The following MRAS variants were observed in gnomAD, a reference collection of about 807,000 sequenced individuals.
MRAS encodes ras-related protein M-Ras.
In MRAS, 4 loss-of-function variants were observed where a neutral mutation model predicts 20.9. The ratio of observed to expected loss-of-function variants is 0.19; its 90% confidence interval spans 0.09 to 0.44. The LOEUF (loss-of-function observed/expected upper bound fraction) is 0.44, where lower values mean the gene tolerates loss of function less well. MRAS is among the 20% of genes least tolerant of loss of function. The probability of loss-of-function intolerance (pLI) is 0.99; values close to 1 mark genes in which losing one functional copy is unlikely to be tolerated. For synonymous variants in MRAS, 98 were observed against 102.9 expected (o/e 0.95, Z 0.29); for missense variants, 154 against 277.5 (o/e 0.56, Z 3.16).
chr3:138,383,152 G>C (rs2054939721), intron 2 of MRAS, among the ~76,000 whole-genome samples: 1 of 152,176 alleles, frequency 6.6e-6, no homozygotes. Flanking sequence ...TTGAGGAAAA[G>C]GACTGTGCCC....
intron 2 of MRAS, among the ~76,000 whole-genome samples, chr3:138,395,335 C>G (rs942787234): frequency 3.3e-5 from 5 of 152,160 alleles, no homozygotes; most frequent in Non-Finnish European, 5.9e-5. Flanking sequence ...CCGCGCCTGG[C>G]CAGACTATGC....
chr3:138,385,959 C>T (rs2055004006), intron 2 of MRAS, among the ~76,000 whole-genome samples: 1 of 152,172 alleles, frequency 6.6e-6, no homozygotes, highest in Admixed American at 6.5e-5. Context: ...CAGTGCTTAG[C>T]TGGAGAGGAT....
At position 138,397,355 on chromosome 3, in the gene MRAS, C is replaced by T. The variant is rs563066079; in HGVS notation, c.225C>T (p.Ser75=). ...ACACAGCTGGGCAGGAGGAATTCAG[C>T]GCCATGCGGGAGCAATACATGCGCA... ...VLDTAGQEEF[S]AMREQYMRTG... Residue 75 remains serine, a synonymous_variant, in exon 3 of 6, where the codon AGC becomes AGT. Transcript: ENST00000423968. 22 of 1,614,070 alleles carry T rather than the reference C, an allele frequency of 1.4e-5. No individual in the cohort carries two copies. The highest frequency in any genetic ancestry group is 1.2e-4 in the South Asian group (11 of 91,080).
At chr3:138,361,670 G>T (rs2054450620) in intron 1 of MRAS, among the ~76,000 whole-genome samples, 1 of 152,198 alleles carries the variant, frequency 6.6e-6, no homozygotes, top group South Asian at 2.1e-4. Context: ...GCAAAGCGGA[G>T]TCAGAGCAGG....
intron 2 of MRAS, 33 bp downstream of exon 2, chr3:138,373,109 G>A (rs1245313228): frequency 2.8e-6 from 4 of 1,405,120 alleles, no homozygotes; most frequent in Non-Finnish European, 3.7e-6. Context: ...GCATTGGGTG[G>A]GATAGTAGAT....
intron 1 of MRAS, among the ~76,000 whole-genome samples, chr3:138,363,516 G>T (rs1485928826): frequency 5.3e-5 from 8 of 152,078 alleles, no homozygotes; most frequent in Non-Finnish European, 7.4e-5. Context: ...ATAATCCTCT[G>T]CCTGCCTCCC....
intron 1 of MRAS, among the ~76,000 whole-genome samples, chr3:138,365,327 A>G (rs1253245692): frequency 2.0e-5 from 3 of 152,232 alleles, no homozygotes; most frequent in African/African-American, 4.8e-5. Flanking sequence ...TGGGTCGCAG[A>G]TGGCTCCGCC....
chr3:138,355,219 G>T (rs572163830), intron 1 of MRAS, among the ~76,000 whole-genome samples: 2 of 152,262 alleles, frequency 1.3e-5, no homozygotes, highest in African/African-American at 4.8e-5. Context: ...CCAGGTGCCT[G>T]GTACTGGGTC....
intron 2 of MRAS, among the ~76,000 whole-genome samples, chr3:138,384,868 C>G (rs781030553): frequency 6.6e-6 from 1 of 152,188 alleles, no homozygotes; most frequent in Admixed American, 6.5e-5. Context: ...TTCACAAAGG[C>G]AGGGACCATC....
At chr3:138,400,952 A>G (rs1038727725) in intron 5 of MRAS, among the ~76,000 whole-genome samples, 5 of 152,154 alleles carry the variant, frequency 3.3e-5, no homozygotes, top group Non-Finnish European at 4.4e-5. Flanking sequence ...TCCACACTGT[A>G]CAAACTAGGT....
intron 3 of MRAS, among the ~76,000 whole-genome samples, chr3:138,397,914 A>T (rs2055275966): frequency 1.3e-5 from 2 of 152,210 alleles, no homozygotes; most frequent in African/African-American, 2.4e-5. Context: ...GAAAATGTTC[A>T]ACTTTCTTGC....
At chr3:138,375,536 G>A (rs2054766277) in intron 2 of MRAS, among the ~76,000 whole-genome samples, 1 of 152,144 alleles carries the variant, frequency 6.6e-6, no homozygotes, top group Non-Finnish European at 1.5e-5. Flanking sequence ...TTGAGACAGG[G>A]TCTCGCTCTG....
chr3:138,365,881 C>G (rs1425730622), intron 1 of MRAS, among the ~76,000 whole-genome samples: 1 of 152,174 alleles, frequency 6.6e-6, no homozygotes, highest in Non-Finnish European at 1.5e-5. Flanking sequence ...CCTACTTGCC[C>G]TTGAGACTTG....
intron 1 of MRAS, among the ~76,000 whole-genome samples, chr3:138,355,966 T>C (rs1270047476): frequency 6.6e-6 from 1 of 152,146 alleles, no homozygotes; most frequent in South Asian, 2.1e-4. Flanking sequence ...CAGATCCTTT[T>C]CCCTCATTCT....
chr3:138,383,750 G>A (rs2054953014), intron 2 of MRAS, among the ~76,000 whole-genome samples: 1 of 152,202 alleles, frequency 6.6e-6, no homozygotes, highest in African/African-American at 2.4e-5. Flanking sequence ...TGAGGACATA[G>A]CAATTGGCAA....
chr3:138,397,801 A>G (rs2055272311), intron 3 of MRAS, among the ~76,000 whole-genome samples: 1 of 152,210 alleles, frequency 6.6e-6, no homozygotes, highest in African/African-American at 2.4e-5. Flanking sequence ...TTTACCAGGT[A>G]AAGGGACACA....
intron 2 of MRAS, among the ~76,000 whole-genome samples, chr3:138,386,354 A>G (rs530949629): frequency 6.6e-6 from 1 of 151,858 alleles, no homozygotes; most frequent in South Asian, 2.1e-4. Context: ...TGGAAGCAGA[A>G]TGGGACGGCA....
intron 2 of MRAS, 146 bp from the exon 3 acceptor site, chr3:138,397,178 A>G (rs2055254156): frequency 3.1e-6 from 3 of 957,574 alleles, no homozygotes; most frequent in Admixed American, 5.1e-5. Flanking sequence ...GAGCAGCCCT[A>G]GAGAGAGAGC....
In MRAS at chr3:138,397,308, C is replaced by T. The variant is rs1427542358; in HGVS notation, c.194-16C>T. 5 of 1,612,850 alleles carry T rather than the reference C, an allele frequency of 3.1e-6. No individual in the cohort carries two copies. The Admixed American group carries it at 5.0e-5, about 16-fold the overall frequency. ...GTAGGTGAGGACAGCCCCTGAGTGG[C>T]CTCATCCCACCCCAGTTCTGGACAC... On this transcript the variant is annotated splice_polypyrimidine_tract_variant and intron_variant, in intron 2 of 5. Coordinates refer to ENST00000423968, the MANE Select transcript of MRAS (RefSeq NM_001085049.3).
Sources: gnomAD v4.1 joint callset for allele counts (sites outside exome capture counted in the v4.1 genomes callset) on GRCh38, gnomAD v4.1.1 for gene constraint, MANE v1.5 for transcripts, NCBI Gene and HGNC (gene_info 2026-07-23, HGNC 2026-07-21) for gene names.